Variants in MIDEAS observed in about 807,000 individuals in gnomAD.
MIDEAS encodes mitotic deacetylase associated SANT domain protein.
MIDEAS carries 26 observed loss-of-function variants against 102.7 expected under a neutral mutation model. That is an observed-to-expected ratio of 0.25 (90% CI 0.19 to 0.35). The LOEUF (loss-of-function observed/expected upper bound fraction) is 0.35. Among genes scored for constraint, MIDEAS ranks in the 10% least tolerant of loss-of-function variants. The pLI, the probability that MIDEAS is intolerant of heterozygous loss-of-function variation, is 1.00. For missense variants in MIDEAS, 1,231 were observed against 1,435.6 expected, an observed-to-expected ratio of 0.86 and a Z score of 2.30; for synonymous variants, 585 against 591.0, an observed-to-expected ratio of 0.99 and a Z score of 0.15.
intron 1 of MIDEAS, among the ~76,000 whole-genome samples, chr14:73,756,291 T>C (rs367939425): frequency 0.029 from 2,162 of 75,790 alleles, 54 homozygotes; most frequent in African/African-American, 0.08. Context: ...TGTGTGTGTG[T>C]GTGTGCGCGC....
At chr14:73,763,330 G>A (rs10132617), upstream of MIDEAS, among the ~76,000 whole-genome samples, 2 of 152,224 alleles carry the variant, frequency 1.3e-5, no homozygotes, top group African/African-American at 4.8e-5. Context: ...AGGGTGAGAC[G>A]TTGTCTCAAG....
upstream of MIDEAS, among the ~76,000 whole-genome samples, chr14:73,763,291 T>C (rs1357027711): frequency 6.6e-6 from 1 of 152,156 alleles, no homozygotes; most frequent in African/African-American, 2.4e-5. Flanking sequence ...TGAGTTGTGT[T>C]CACGCCACTG....
Position 73,750,623 on chromosome 14 carries a change from G to C in MIDEAS, c.-248+9140C>G, listed in dbSNP as rs138613627. Among the ~76,000 whole-genome samples the C allele has an allele frequency of 8.4e-4, 128 of 152,360 alleles. 1 individual carries two copies. Among genetic ancestry groups the C allele is most frequent in the African/African-American group, 2.9e-3 (121 of 41,584 alleles). Reference sequence around the variant, plus strand: ...CCTCCATGCCACATGGAGAAAGGTGGCTTGGGCCTCTCTTCAGAGCCAACT... The same window carrying C: ...CCTCCATGCCACATGGAGAAAGGTGCCTTGGGCCTCTCTTCAGAGCCAACT... On this transcript the variant is annotated intron_variant, in intron 1 of 12. Transcript: ENST00000423556.
At chr14:73,781,757 C>A (rs78335240) in intron 1 of MIDEAS, among the ~76,000 whole-genome samples, 19,860 of 81,670 alleles carry the variant, frequency 0.24, 2,302 homozygotes, top group East Asian at 0.71. Context: ...AAAAAAAAAA[C>A]TGACTTCAGG....
intron 1 of MIDEAS, among the ~76,000 whole-genome samples, chr14:73,774,142 C>CT (rs975115587): frequency 1.3e-5 from 2 of 151,850 alleles, no homozygotes; most frequent in African/African-American, 4.8e-5. Context: ...CAGGAAGCCT[C>CT]TGAGTGACAA....
chr14:73,739,638 T>G lies in MIDEAS; in HGVS notation c.371A>C (p.Gln124Pro). The G allele has an allele frequency of 6.2e-7, 1 of 1,614,014 alleles. No homozygotes were observed. The highest frequency in any genetic ancestry group is 8.5e-7 in the Non-Finnish European group (1 of 1,179,986). ...TGAATGGGGTGGAGGCTGGCCTGGCTGCTGCTGCCAGCTGCTGTCACTGAC... is the reference window on the plus strand; with the variant it reads ...TGAATGGGGTGGAGGCTGGCCTGGCGGCTGCTGCCAGCTGCTGTCACTGAC... ...GGVSDSSWQQ[Q>P]PGQPPPHSTW... Residue 124 changes from glutamine to proline, a missense_variant, in exon 2 of 13, where the codon CAG (glutamine) becomes CCG (proline). Transcript: ENST00000423556.
rs1256716033 is a variant in MIDEAS at position 73,717,849 on chromosome 14, G to A, written c.*994C>T. On this transcript the variant is annotated 3_prime_UTR_variant, in exon 13 of 13. Transcript: ENST00000423556. ...AGAAATCTCCAAAGTGCAGGCCTGG[G>A]GGCTGGGTTGTGGATATCGACACTG... The A allele has an allele frequency of 6.6e-6, 1 of 152,560 alleles. No homozygotes were observed. The highest frequency in any genetic ancestry group is 1.5e-5 in the Non-Finnish European group (1 of 68,098). 9.5% of individuals were successfully genotyped at this position (152,560 alleles called of 1,614,324 possible).
In MIDEAS at chr14:73,739,943, T is replaced by G; in HGVS notation, c.66A>C (p.Glu22Asp). The G allele has an allele frequency of 6.6e-7, 1 of 1,517,780 alleles. No homozygotes were observed. Among genetic ancestry groups the G allele is most frequent in the Non-Finnish European group, 8.8e-7 (1 of 1,133,250 alleles). The allele number at this position is 1,517,780 out of a possible 1,614,324, so 94.0% of individuals were successfully genotyped here. ...GAGGGGGCTGCTCCTTGGGAGCTGG[T>G]TCCTGGCCCCCGAAGAGGCAACGCT... ...KRKRCLFGGQ[E>D]PAPKEQPPPL... Residue 22 changes from glutamate to aspartate, a missense_variant, in exon 2 of 13, where the codon GAA (glutamate) becomes GAC (aspartate). Around this residue, in one of 5 missense-constraint regions of MIDEAS, gnomAD observed 758 missense variants for 856.0 expected, o/e 0.89. Transcript: ENST00000423556.
In MIDEAS at chr14:73,727,104, C is replaced by CTAA. The variant is rs1016611766; in HGVS notation, c.2163-133_2163-132insTTA. The CTAA allele has an allele frequency of 3.3e-5, 38 of 1,164,704 alleles. No individual in the cohort carries two copies. In the African/African-American group the frequency reaches 5.0e-4, roughly 15 times the overall value. The allele number at this position is 1,164,704 out of a possible 1,614,324, so 72.1% of individuals were successfully genotyped here. A position where few individuals can be genotyped will look rare whatever the true frequency, so the allele number is the denominator to read the frequency against. On this transcript the variant is annotated intron_variant, in intron 5 of 12. Coordinates refer to ENST00000423556, the MANE Select transcript of MIDEAS (RefSeq NM_001367710.1). The stretch of plus-strand genomic sequence containing the variant: ...CCTCAGCTAGGTGTAGGGAGTCTGG[C>CTAA]TTCTAGGGGCTTGGGAGGACAGCCT...
rs532501646 is a variant in MIDEAS at position 73,718,890 on chromosome 14, G to GGGCGGCGGC, written c.3244_3252dup (p.Ala1082_Ala1084dup). ...CTCTCCTCCCGCAGGGCCTGCTGGT[G>GGGCGGCGGC]GGCGGCGGCGGCGGCAGCAGCGGCC... On this transcript the variant is annotated inframe_insertion, in exon 13 of 13. Transcript: ENST00000423556. The GGGCGGCGGC allele has an allele frequency of 1.4e-4, 219 of 1,518,364 alleles. No homozygotes were observed. Among genetic ancestry groups the GGGCGGCGGC allele is most frequent in the Non-Finnish European group, 1.8e-4 (210 of 1,139,574 alleles). 94.1% of individuals were successfully genotyped at this position (1,518,364 alleles called of 1,614,324 possible).
chr14:73,720,219 G>C (rs1186160138), intron 11 of MIDEAS, among the ~76,000 whole-genome samples: 1 of 150,462 alleles, frequency 6.6e-6, no homozygotes, highest in African/African-American at 2.4e-5. Flanking sequence ...GTAAGCATGA[G>C]TGTACTACAC....
At chr14:73,788,266 A>G (rs1050468777), upstream of MIDEAS, among the ~76,000 whole-genome samples, 3 of 152,186 alleles carry the variant, frequency 2.0e-5, no homozygotes, top group Non-Finnish European at 2.9e-5. Flanking sequence ...AGGTGGTTCA[A>G]AAGCATCAGT....
At chr14:73,751,592 C>T (rs1485950002) in intron 1 of MIDEAS, among the ~76,000 whole-genome samples, 2 of 152,144 alleles carry the variant, frequency 1.3e-5, no homozygotes, top group Non-Finnish European at 2.9e-5. Context: ...TGAGGTTAGC[C>T]AACAGCTCTT....
intron 1 of MIDEAS, among the ~76,000 whole-genome samples, chr14:73,751,879 G>A (rs1173315824): frequency 6.6e-6 from 1 of 152,086 alleles, no homozygotes; most frequent in Non-Finnish European, 1.5e-5. Flanking sequence ...CAGCCTGGGC[G>A]ACAAGAGCAA....
chr14:73,764,796 C>T (rs2053580957), upstream of MIDEAS, among the ~76,000 whole-genome samples: 1 of 152,262 alleles, frequency 6.6e-6, no homozygotes, highest in African/African-American at 2.4e-5. Flanking sequence ...CTTGCCACAC[C>T]AGCCCACAGC....
chr14:73,725,538 A>C lies in MIDEAS; in HGVS notation c.2486-178T>G, dbSNP rs554366144. Among the ~76,000 whole-genome samples, 10 of 152,318 alleles carry C rather than the reference A, an allele frequency of 6.6e-5. No individual in the cohort carries two copies. Among genetic ancestry groups the C allele is most frequent in the South Asian group, 6.2e-4 (3 of 4,826 alleles). On this transcript the variant is annotated intron_variant, in intron 8 of 12. Coordinates refer to ENST00000423556, the MANE Select transcript of MIDEAS (RefSeq NM_001367710.1). This position sits in a 1 kb window ranked among gnomAD's most constrained non-coding sequence, Gnocchi z 4.1. Reference sequence around the variant, plus strand: ...CCTCGCTCCCTTGCTTGTGAAATGGAAACTAATATCACCTAGCTCACCAGC... The same window carrying C: ...CCTCGCTCCCTTGCTTGTGAAATGGCAACTAATATCACCTAGCTCACCAGC...
At position 73,725,184 on chromosome 14, in the gene MIDEAS, A is replaced by C; in HGVS notation, c.2574+88T>G. 1.0e-6 allele frequency: 1 copy of C among 994,226 alleles called. No homozygotes were observed. Among genetic ancestry groups the C allele is most frequent in the Non-Finnish European group, 1.6e-6 (1 of 618,644 alleles). 61.6% of individuals were successfully genotyped at this position (994,226 alleles called of 1,614,324 possible). On this transcript the variant is annotated intron_variant, in intron 9 of 12. Coordinates refer to ENST00000423556, the MANE Select transcript of MIDEAS (RefSeq NM_001367710.1). This position sits in a 1 kb window ranked among gnomAD's most constrained non-coding sequence, Gnocchi z 4.1. ...AGTAGCATTGACCTGACTGCTTTTT[A>C]AGAGGGATTGGTCACTGGCAGAGGG... is the stretch of plus-strand genomic sequence containing the variant.
At chr14:73,774,279 TC>T (rs1216722203) in intron 1 of MIDEAS, among the ~76,000 whole-genome samples, 1 of 151,798 alleles carries the variant, frequency 6.6e-6, no homozygotes, top group Admixed American at 6.6e-5. Context: ...GAGACTGCAA[TC>T]CCTGCTTTGG....
intron 1 of MIDEAS, among the ~76,000 whole-genome samples, chr14:73,766,850 C>CTTT (rs1310211553): frequency 3.3e-5 from 4 of 119,676 alleles, no homozygotes; most frequent in African/African-American, 8.9e-5. Context: ...ACTGCCCGGC[C>CTTT]ATTTTTTTTT....
Sources: gnomAD v4.1 joint callset for allele counts (sites outside exome capture counted in the v4.1 genomes callset) on GRCh38, gnomAD v4.1.1 for gene constraint, gnomAD v4.1.1 regional missense constraint, Gnocchi (gnomAD v3.1) non-coding constraint, MANE v1.5 for transcripts, NCBI Gene and HGNC (gene_info 2026-07-23, HGNC 2026-07-21) for gene names.